Variants in GANAB observed in about 807,000 individuals in gnomAD.
The protein encoded by GANAB is glucosidase II alpha subunit.
Under a neutral mutation model 129.9 loss-of-function variants are expected in GANAB, and 35 were observed. The ratio of observed to expected loss-of-function variants is 0.27; its 90% confidence interval spans 0.21 to 0.36. The LOEUF is 0.36. GANAB is among the 10% of genes least tolerant of loss of function. The pLI, the probability that GANAB is intolerant of heterozygous loss-of-function variation, is 1.00. For synonymous variants in GANAB, 482 were observed against 451.8 expected, an observed-to-expected ratio of 1.07 and a Z score of -0.85; for missense variants, 939 against 1,221.0, an observed-to-expected ratio of 0.77 and a Z score of 3.44.
chr11:62,646,022 C>T (rs567216834), intron 1 of GANAB, among the ~76,000 whole-genome samples: 1 of 152,332 alleles, frequency 6.6e-6, no homozygotes, highest in East Asian at 1.9e-4. Flanking sequence ...CTGGGCCGTG[C>T]CCAGCGACCG....
chr11:62,633,764 T>C, intron 5 of GANAB: 1 of 566,094 alleles, frequency 1.8e-6, no homozygotes, highest in South Asian at 2.1e-5. Context: ...CACCAGCCTC[T>C]GTCAACATCC....
intron 1 of GANAB, among the ~76,000 whole-genome samples, chr11:62,645,080 C>T (rs1400536954): frequency 6.6e-6 from 1 of 151,984 alleles, no homozygotes; most frequent in Non-Finnish European, 1.5e-5. Context: ...GAAGAAAACA[C>T]TAGGCACTGT....
At chr11:62,629,146 T>G (rs753362062) in intron 16 of GANAB, 48 bp downstream of exon 16, 23 of 1,547,240 alleles carry the variant, frequency 1.5e-5, no homozygotes, top group Non-Finnish European at 2.0e-5. Flanking sequence ...GCCCTCTACT[T>G]TGCCCCTTTC....
chr11:62,636,550 C>T (rs986733430), intron 4 of GANAB, among the ~76,000 whole-genome samples: 9 of 152,162 alleles, frequency 5.9e-5, no homozygotes, highest in Admixed American at 3.9e-4. Flanking sequence ...GGCATGGTGG[C>T]TCATTCCTGT....
chr11:62,630,520 C>T lies in GANAB; in HGVS notation c.1387-15G>A. On this transcript the variant is annotated splice_polypyrimidine_tract_variant and intron_variant, in intron 11 of 23. Coordinates refer to ENST00000356638, the MANE Select transcript of GANAB (RefSeq NM_198334.3). ...ATGGCCACCAGCTGGGGGCAAGGAACAGGGGTGTTCAGGTCTCTTTAAGGC... is the reference window on the plus strand; with the variant it reads ...ATGGCCACCAGCTGGGGGCAAGGAATAGGGGTGTTCAGGTCTCTTTAAGGC... 2 of 1,614,196 alleles carry T rather than the reference C, an allele frequency of 1.2e-6. No individual in the cohort carries two copies. The highest frequency in any genetic ancestry group is 1.7e-6 in the Non-Finnish European group (2 of 1,180,030).
At position 62,628,862 on chromosome 11, in the gene GANAB, A is replaced by G. The variant is rs1565092339; in HGVS notation, c.2087T>C (p.Ile696Thr). 4 of 1,614,024 alleles carry G rather than the reference A, an allele frequency of 2.5e-6. No homozygotes were observed. Among genetic ancestry groups the G allele is most frequent in the East Asian group, 2.2e-5 (1 of 44,882 alleles). Residue 696 changes from isoleucine to threonine, a missense_variant, in exon 17 of 24, where the codon ATA (isoleucine) becomes ACA (threonine). This residue lies in a region of GANAB where 147 missense variants were observed against 282.4 expected (regional missense o/e 0.52). Transcript: ENST00000356638. ...TCGCTGGCCCAAGGCATCTCGGATT[A>G]TATCATTGTGCTGAGATGGTAACAG... The part of the protein sequence containing the change: ...PWLLPSQHND[I>T]IRDALGQRYS...
At chr11:62,641,712 C>G (rs530010008) in intron 1 of GANAB, among the ~76,000 whole-genome samples, 1 of 152,002 alleles carries the variant, frequency 6.6e-6, no homozygotes, top group East Asian at 1.9e-4. Context: ...TCCTAAGTAA[C>G]TGAATTACAG....
At chr11:62,643,071 C>T (rs1442023772) in intron 1 of GANAB, among the ~76,000 whole-genome samples, 1 of 152,134 alleles carries the variant, frequency 6.6e-6, no homozygotes, top group Non-Finnish European at 1.5e-5. Context: ...CACGAATTGT[C>T]AATTTCCCAA....
intron 8 of GANAB, 107 bp from the exon 9 acceptor site, chr11:62,632,852 C>T: frequency 9.4e-7 from 1 of 1,067,822 alleles, no homozygotes; most frequent in Non-Finnish European, 1.4e-6. Flanking sequence ...CTCCTCTTGT[C>T]CTTTCTCAAA....
Position 62,630,431 on chromosome 11 carries a change from C to T in GANAB, c.1461G>A (p.Gly487=), listed in dbSNP as rs776935617. 1 of 1,614,212 alleles carries T rather than the reference C, an allele frequency of 6.2e-7. No individual in the cohort carries two copies. Among genetic ancestry groups the T allele is most frequent in the Non-Finnish European group, 8.5e-7 (1 of 1,180,036 alleles). ...AGCCATCCCGGGTTTTAACATACAG[C>T]CCCAGGTTCCGCAGCTCCTCGTGAA... ...YRVHEELRNL[G]LYVKTRDGSD... Residue 487 remains glycine, a synonymous_variant, in exon 12 of 24, where the codon GGG becomes GGA. Transcript: ENST00000356638.
In GANAB at chr11:62,633,230, T is replaced by A. The variant is rs1943774960; in HGVS notation, c.672A>T (p.Gly224=). 1 of 1,613,992 alleles carries A rather than the reference T, an allele frequency of 6.2e-7. No homozygotes were observed. The highest frequency in any genetic ancestry group is 8.5e-7 in the Non-Finnish European group (1 of 1,180,006). ...TQGKAEKDEP[G]AWEETFKTHS... Reference sequence around the variant, plus strand: ...GAGTTTTGAATGTCTCCTCCCAGGCTCCTGGCTCATCTTTCTCTGCCTTCC... The same window carrying A: ...GAGTTTTGAATGTCTCCTCCCAGGCACCTGGCTCATCTTTCTCTGCCTTCC... Residue 224 remains glycine (G), a synonymous_variant, in exon 7 of 24, where the codon GGA becomes GGT. Coordinates refer to ENST00000356638, the MANE Select transcript of GANAB (RefSeq NM_198334.3).
At chr11:62,633,573 G>A (rs1943796157) in intron 5 of GANAB, 59 bp from the exon 6 acceptor site, 3 of 1,436,908 alleles carry the variant, frequency 2.1e-6, no homozygotes, top group African/African-American at 1.4e-5. Flanking sequence ...AGGGGCTAGT[G>A]GAAGGAGGGG....
intron 4 of GANAB, among the ~76,000 whole-genome samples, chr11:62,638,148 AAG>A (rs1447274757): frequency 1.3e-5 from 2 of 152,032 alleles, no homozygotes; most frequent in African/African-American, 2.4e-5. Flanking sequence ...GGGCTGAGTG[AAG>A]AGTTTATAGG....
chr11:62,646,163 AGGGGCCGC>A (rs1166661441), intron 1 of GANAB, among the ~76,000 whole-genome samples: 2 of 152,158 alleles, frequency 1.3e-5, no homozygotes, highest in African/African-American at 4.8e-5. Flanking sequence ...AGCTCAGCCG[AGGGGCCGC>A]GGGGCCGCAG....
At chr11:62,629,105 A>C (rs919795859) in intron 16 of GANAB, 89 bp downstream of exon 16, 28 of 1,552,478 alleles carry the variant, frequency 1.8e-5, no homozygotes, top group African/African-American at 4.1e-5. Flanking sequence ...TGGACTCTCA[A>C]CTCTCTTTGC....
At position 62,643,620 on chromosome 11, in the gene GANAB, G is replaced by A. The variant is rs189075602; in HGVS notation, c.38+2942C>T. Among the ~76,000 whole-genome samples, 70 of 152,256 alleles carry A rather than the reference G, an allele frequency of 4.6e-4. No homozygotes were observed. The East Asian group carries it at 9.8e-3, about 21-fold the overall frequency. On this transcript the variant is annotated intron_variant, in intron 1 of 23. Coordinates refer to ENST00000356638, the MANE Select transcript of GANAB (RefSeq NM_198334.3). The stretch of plus-strand genomic sequence containing the variant: ...GTTGTGCCACTGCATTCCAGCCTGG[G>A]CGACACAGCGAAACACCACCTAGAA...
intron 1 of GANAB, among the ~76,000 whole-genome samples, chr11:62,641,043 G>A (rs1944231702): frequency 6.6e-6 from 1 of 151,332 alleles, no homozygotes; most frequent in Non-Finnish European, 1.5e-5. Context: ...CAAAGTTAAA[G>A]AGCTAAACAT....
At chr11:62,643,633 A>C (rs904601506) in intron 1 of GANAB, among the ~76,000 whole-genome samples, 2 of 152,108 alleles carry the variant, frequency 1.3e-5, no homozygotes, top group African/African-American at 4.8e-5. Flanking sequence ...ACACAGCGAA[A>C]CACCACCTAG....
chr11:62,626,800 C>A, intron 20 of GANAB, 60 bp downstream of exon 20: 2 of 1,383,198 alleles, frequency 1.4e-6, no homozygotes, highest in Non-Finnish European at 2.0e-6. Context: ...GGCACACATT[C>A]CCTCCCCTTC....
Sources: gnomAD v4.1 joint callset for allele counts (sites outside exome capture counted in the v4.1 genomes callset) on GRCh38, gnomAD v4.1.1 for gene constraint, gnomAD v4.1.1 regional missense constraint, MANE v1.5 for transcripts, NCBI Gene and HGNC (gene_info 2026-07-23, HGNC 2026-07-21) for gene names.